Variants in SOX6 observed in about 807,000 individuals in gnomAD.
The protein encoded by SOX6 is transcription factor SOX-6.
A neutral mutation model predicts 97.8 loss-of-function variants in SOX6; 11 were observed. The observed-to-expected ratio is 0.11, with a 90% confidence interval of 0.07 to 0.19. SOX6 has a LOEUF of 0.19. Among genes scored for constraint, SOX6 ranks in the 10% least tolerant of loss-of-function variants. The probability of loss-of-function intolerance (pLI) is 1.00; values close to 1 mark genes in which losing one functional copy is unlikely to be tolerated. For missense variants in SOX6, 810 were observed against 1,039.5 expected (o/e 0.78, Z 3.04); for synonymous variants, 360 against 371.4 (o/e 0.97, Z 0.35).
At chr11:16,641,209 T>G (rs1241807515) in intron 3 of SOX6, among the ~76,000 whole-genome samples, 3 of 152,174 alleles carry the variant, frequency 2.0e-5, no homozygotes, top group Non-Finnish European at 2.9e-5. Context: ...TTCCATGTAG[T>G]TAAGCAGTTT....
intron 1 of SOX6, among the ~76,000 whole-genome samples, chr11:16,382,074 A>C (rs949759142): frequency 2.2e-4 from 34 of 152,030 alleles, no homozygotes; most frequent in African/African-American, 7.2e-4. Context: ...AAAGAGGAGT[A>C]AAAGTCTTAA....
chr11:16,535,517 C>T (rs1332125935), intron 4 of SOX6, among the ~76,000 whole-genome samples: 1 of 151,892 alleles, frequency 6.6e-6, no homozygotes, highest in Non-Finnish European at 1.5e-5. Context: ...ACAAAAAATA[C>T]AAAAATTAGC....
At chr11:16,310,237 GCC>G in intron 3 of SOX6, among the ~76,000 whole-genome samples, 1 of 152,088 alleles carries the variant, frequency 6.6e-6, no homozygotes, top group Non-Finnish European at 1.5e-5. Context: ...ACGAAGAGTT[GCC>G]CAGAAGGTCT....
At chr11:16,417,839 C>A (rs2133062179) in intron 1 of SOX6, among the ~76,000 whole-genome samples, 1 of 152,276 alleles carries the variant, frequency 6.6e-6, no homozygotes, top group South Asian at 2.1e-4. Context: ...CTAGTTTTAA[C>A]TCTTTGTTTA....
chr11:16,616,183 T>C (rs539084930), intron 3 of SOX6, among the ~76,000 whole-genome samples: 1 of 152,128 alleles, frequency 6.6e-6, no homozygotes, highest in Admixed American at 6.5e-5. Flanking sequence ...TTATACATTT[T>C]AGCCCGCCTA....
At chr11:16,254,388 T>C (rs1853617542) in intron 3 of SOX6, among the ~76,000 whole-genome samples, 1 of 152,108 alleles carries the variant, frequency 6.6e-6, no homozygotes, top group Non-Finnish European at 1.5e-5. Flanking sequence ...CATTCATATA[T>C]ATTACATACA....
In SOX6 at chr11:16,508,242, AT is replaced by A. The variant is rs370208023; in HGVS notation, n.610-31855del. ...TGGCTACTACTAAAAAGACAAAAAA[AT>A]AACAGATGCCAGTGAGGAGGATGTG... On this transcript the variant is annotated intron_variant and non_coding_transcript_variant, in intron 4 of 5. Coordinates refer to the SOX6 transcript ENST00000524520. Among the ~76,000 whole-genome samples the A allele has an allele frequency of 5.9e-3, 903 of 152,284 alleles. 6 individuals are homozygous for A. The highest frequency in any genetic ancestry group is 0.021 in the African/African-American group (865 of 41,570).
chr11:16,480,248 T>C (rs1379888104), upstream of SOX6, among the ~76,000 whole-genome samples: 1 of 152,158 alleles, frequency 6.6e-6, no homozygotes, highest in East Asian at 1.9e-4. Context: ...TGATATTATT[T>C]AGATTTTTTT....
At chr11:16,174,960 C>T (rs1851146177) in intron 6 of SOX6, among the ~76,000 whole-genome samples, 1 of 151,880 alleles carries the variant, frequency 6.6e-6, no homozygotes, top group Non-Finnish European at 1.5e-5. Flanking sequence ...AATCTCCAAG[C>T]TGCTCTAATA....
In SOX6 at chr11:16,490,592, T is replaced by C. The variant is rs181313004; in HGVS notation, n.610-14204A>G. Among the ~76,000 whole-genome samples, 399 of 152,158 alleles carry C rather than the reference T, an allele frequency of 2.6e-3. 3 individuals carry two copies. The highest frequency in any genetic ancestry group is 6.8e-3 in the Middle Eastern group (2 of 294). On this transcript the variant is annotated intron_variant and non_coding_transcript_variant, in intron 4 of 5. Coordinates refer to the SOX6 transcript ENST00000524520. ...AAAAAGGGTTAAAGGCAAAGAGTAT[T>C]ATTAGAGATAAAGATAATAGTAACA...
At chr11:16,137,754 T>C (rs1334206148) in intron 6 of SOX6, among the ~76,000 whole-genome samples, 1 of 152,000 alleles carries the variant, frequency 6.6e-6, no homozygotes, top group Non-Finnish European at 1.5e-5. Flanking sequence ...CTACGTGCCA[T>C]GAGAGGGACC....
intron 4 of SOX6, among the ~76,000 whole-genome samples, chr11:16,591,336 T>C (rs148558467): frequency 2.9e-4 from 22 of 74,890 alleles, no homozygotes; most frequent in Non-Finnish European, 3.4e-4. Flanking sequence ...GATAGATAGA[T>C]AGATAGATAG....
intron 4 of SOX6, among the ~76,000 whole-genome samples, chr11:16,492,406 TG>T (rs1860526727): frequency 6.6e-6 from 1 of 152,172 alleles, no homozygotes; most frequent in Non-Finnish European, 1.5e-5. Context: ...TGACCTTCTC[TG>T]AAGCCCACGG....
intron 4 of SOX6, among the ~76,000 whole-genome samples, chr11:16,513,153 TCA>T (rs1371603229): frequency 6.6e-6 from 1 of 152,220 alleles, no homozygotes; most frequent in African/African-American, 2.4e-5. Flanking sequence ...ATGTGCAACT[TCA>T]CACTCAGGAG....
chr11:16,578,358 C>CGTATTTT (rs1402713519), intron 4 of SOX6, among the ~76,000 whole-genome samples: 2 of 151,936 alleles, frequency 1.3e-5, no homozygotes, highest in Non-Finnish European at 1.5e-5. Flanking sequence ...TTTTTTTAAT[C>CGTATTTT]GTATTTTTTC....
chr11:16,601,204 T>C (rs1848264864), intron 4 of SOX6, among the ~76,000 whole-genome samples: 1 of 152,198 alleles, frequency 6.6e-6, no homozygotes. Context: ...AACTTGATAA[T>C]TGTGAAATAA....
intron 15 of SOX6, among the ~76,000 whole-genome samples, chr11:15,984,410 G>A (rs1853761931): frequency 6.6e-6 from 1 of 152,260 alleles, no homozygotes; most frequent in African/African-American, 2.4e-5. Context: ...CAGGGAACAT[G>A]ACTGAGGGAG....
At chr11:16,659,123 C>T (rs1276507761) in intron 3 of SOX6, among the ~76,000 whole-genome samples, 4 of 152,190 alleles carry the variant, frequency 2.6e-5, no homozygotes, top group Non-Finnish European at 5.9e-5. Flanking sequence ...GAGCCAAGGT[C>T]ACCTAGATTT....
intron 1 of SOX6, among the ~76,000 whole-genome samples, chr11:16,413,709 C>T (rs985885839): frequency 5.3e-5 from 8 of 151,406 alleles, no homozygotes; most frequent in East Asian, 2.0e-4. Flanking sequence ...TTAGTGGAGA[C>T]GGGGTTTCAC....
Sources: gnomAD v4.1 joint callset for allele counts (sites outside exome capture counted in the v4.1 genomes callset) on GRCh38, gnomAD v4.1.1 for gene constraint, MANE v1.5 for transcripts, NCBI Gene and HGNC (gene_info 2026-07-23, HGNC 2026-07-21) for gene names.